The following TTLL5 variants were observed in gnomAD, a reference collection of about 807,000 sequenced individuals.
TTLL5 encodes the protein tubulin polyglutamylase TTLL5.
TTLL5 carries 132 observed loss-of-function variants against 168.4 expected under a neutral mutation model. That is an observed-to-expected ratio of 0.78 (90% CI 0.68 to 0.91). The LOEUF (loss-of-function observed/expected upper bound fraction) is 0.91. Among genes scored for constraint, TTLL5 ranks in the 40% least tolerant of loss-of-function variants. The pLI is 0.00. For synonymous variants in TTLL5, 546 were observed against 558.6 expected, an observed-to-expected ratio of 0.98 and a Z score of 0.32; for missense variants, 1,545 against 1,581.5, an observed-to-expected ratio of 0.98 and a Z score of 0.39.
chr14:75,719,931 C>A, intron 11 of TTLL5, 105 bp downstream of exon 11: 2 of 1,208,022 alleles, frequency 1.7e-6, no homozygotes, highest in Non-Finnish European at 1.2e-6. Flanking sequence ...GTTGCTGAGA[C>A]GGGATGATTG....
chr14:75,943,577 A>G (rs577677157), intron 31 of TTLL5, among the ~76,000 whole-genome samples: 3 of 152,182 alleles, frequency 2.0e-5, no homozygotes, highest in Non-Finnish European at 4.4e-5. Flanking sequence ...GTCCTAAGGC[A>G]CCTAGCAGAA....
intron 27 of TTLL5, among the ~76,000 whole-genome samples, chr14:75,817,830 CTTTTT>C (rs1045988787): frequency 2.4e-4 from 20 of 83,868 alleles, no homozygotes; most frequent in African/African-American, 8.7e-4. Context: ...CTTTTCTTTT[CTTTTT>C]TTTTTTTTTT....
intron 28 of TTLL5, among the ~76,000 whole-genome samples, chr14:75,858,358 G>A (rs1162257773): frequency 6.6e-6 from 1 of 152,326 alleles, no homozygotes; most frequent in Non-Finnish European, 1.5e-5. Context: ...AGAAATGCCA[G>A]TGCTACTTAA....
intron 18 of TTLL5, chr14:75,757,791 A>T: frequency 6.4e-7 from 1 of 1,563,566 alleles, no homozygotes; most frequent in East Asian, 2.3e-5. Context: ...GACTACCTGA[A>T]TAGCATTCTC....
intron 2 of TTLL5, among the ~76,000 whole-genome samples, chr14:75,667,735 G>A (rs770965781): frequency 2.0e-5 from 3 of 148,758 alleles, no homozygotes; most frequent in African/African-American, 4.9e-5. Flanking sequence ...TGCATTCAGA[G>A]TGTGGATCTT....
At chr14:75,901,031 T>G (rs1421765389) in intron 30 of TTLL5, among the ~76,000 whole-genome samples, 1 of 152,204 alleles carries the variant, frequency 6.6e-6, no homozygotes, top group African/African-American at 2.4e-5. Flanking sequence ...TGGATGTTGC[T>G]CAACAAAAAC....
chr14:75,914,489 C>T (rs948867049), intron 31 of TTLL5, among the ~76,000 whole-genome samples: 7 of 152,036 alleles, frequency 4.6e-5, no homozygotes, highest in Non-Finnish European at 7.4e-5. Flanking sequence ...ATAAAAAATG[C>T]ATTTTATTAT....
At chr14:75,802,279 A>G (rs894369157) in intron 27 of TTLL5, among the ~76,000 whole-genome samples, 5 of 151,698 alleles carry the variant, frequency 3.3e-5, no homozygotes, top group Admixed American at 2.6e-4. Context: ...ATTTATTTTC[A>G]TTCACTCTTG....
intron 28 of TTLL5, among the ~76,000 whole-genome samples, chr14:75,858,533 G>A (rs961769031): frequency 6.6e-6 from 1 of 152,198 alleles, no homozygotes; most frequent in Non-Finnish European, 1.5e-5. Flanking sequence ...ACTTGAAAGA[G>A]CATCTATCTG....
intron 26 of TTLL5, among the ~76,000 whole-genome samples, chr14:75,790,949 A>G (rs1232130311): frequency 6.7e-6 from 1 of 149,732 alleles, no homozygotes; most frequent in Non-Finnish European, 1.5e-5. Context: ...AAAAAAAAAA[A>G]AGAAAAATTA....
At chr14:75,721,277 A>G (rs1217023399) in intron 12 of TTLL5, among the ~76,000 whole-genome samples, 1 of 152,194 alleles carries the variant, frequency 6.6e-6, no homozygotes, top group African/African-American at 2.4e-5. Context: ...ACAACTACAG[A>G]ATCAGGAAAT....
At position 75,683,715 on chromosome 14, in the gene TTLL5, G is replaced by A. The variant is rs145510318; in HGVS notation, c.371+59G>A. On this transcript the variant is annotated intron_variant, in intron 5 of 31. Transcript: ENST00000298832. ...AAGGTACATGACATTGGGGCATGTA[G>A]CCAGCAAAGGTAATTAGTGTCCTTA... 6.0e-5 allele frequency: 79 copies of A among 1,317,532 alleles called. No individual in the cohort carries two copies. In the East Asian group the frequency reaches 1.8e-3, roughly 30 times the overall value. The allele number at this position is 1,317,532 out of a possible 1,614,324, so 81.6% of individuals were successfully genotyped here. A position where few individuals can be genotyped will look rare whatever the true frequency, so the allele number is the denominator to read the frequency against.
chr14:75,811,512 T>G (rs1346442262), intron 27 of TTLL5, among the ~76,000 whole-genome samples: 1 of 152,312 alleles, frequency 6.6e-6, no homozygotes, highest in African/African-American at 2.4e-5. Flanking sequence ...TTATGGCACT[T>G]ACTGCATTCT....
At position 75,843,415 on chromosome 14, in the gene TTLL5, G is replaced by A. The variant is rs536553393; in HGVS notation, c.3327-20252G>A. ...ATTCATCCAAGGAGGGAGAAGGAAA[G>A]GGGGTTACTAAATGAAGTTCCTGGT... is the stretch of plus-strand genomic sequence containing the variant. On this transcript the variant is annotated intron_variant, in intron 28 of 31. Transcript: ENST00000298832. 2.8e-4 allele frequency among the ~76,000 whole-genome samples: 42 copies of A among 152,352 alleles called. 1 individual carries two copies. The South Asian group carries it at 8.7e-3, about 32-fold the overall frequency.
At chr14:75,881,585 C>T (rs907063828) in intron 29 of TTLL5, among the ~76,000 whole-genome samples, 1 of 152,162 alleles carries the variant, frequency 6.6e-6, no homozygotes, top group African/African-American at 2.4e-5. Flanking sequence ...TACTAGCAAA[C>T]TCTGTCTAGA....
intron 28 of TTLL5, among the ~76,000 whole-genome samples, chr14:75,840,959 C>G (rs932374267): frequency 1.2e-4 from 18 of 152,304 alleles, no homozygotes; most frequent in African/African-American, 4.3e-4. Context: ...TCAGAAGCTT[C>G]CAATCATGGC....
intron 28 of TTLL5, among the ~76,000 whole-genome samples, chr14:75,835,935 T>C (rs1895842118): frequency 6.6e-6 from 1 of 152,210 alleles, no homozygotes; most frequent in Non-Finnish European, 1.5e-5. Context: ...GCTCCTACAC[T>C]GCTAGTTGGA....
Position 75,928,365 on chromosome 14 carries a change from AT to A in TTLL5, c.3824-26058del, listed in dbSNP as rs1279164985. On this transcript the variant is annotated intron_variant, in intron 31 of 31. Coordinates refer to ENST00000298832, the MANE Select transcript of TTLL5 (RefSeq NM_015072.5). ...AACATATATATATATATATATATAT[AT>A]ATCACTGTATTTCTGCTTTACTCTA... Among the ~76,000 whole-genome samples the A allele has an allele frequency of 1.4e-5, 2 of 139,950 alleles. 1 individual carries two copies. Among genetic ancestry groups the A allele is most frequent in the African/African-American group, 5.5e-5 (2 of 36,188 alleles). The allele number at this position is 139,950 out of a possible 152,430, so 91.8% of individuals were successfully genotyped here.
chr14:75,709,355 A>C (rs181813773), intron 9 of TTLL5: 2 of 604,490 alleles, frequency 3.3e-6, no homozygotes, highest in Non-Finnish European at 6.0e-6. Flanking sequence ...CAGTGAGAGC[A>C]GACTAACCAA....
Sources: allele counts gnomAD v4.1 joint callset (sites outside exome capture counted in the v4.1 genomes callset), GRCh38; gene constraint gnomAD v4.1.1; transcripts MANE v1.5; gene names NCBI Gene and HGNC (gene_info 2026-07-23, HGNC 2026-07-21).